ACCS: variants seen among roughly 807,000 people sequenced by gnomAD.
The protein encoded by ACCS is 1-aminocyclopropane-1-carboxylate synthase homolog (inactive).
Under a neutral mutation model 59.8 loss-of-function variants are expected in ACCS, and 42 were observed. The ratio of observed to expected loss-of-function variants is 0.70; its 90% CI spans 0.55 to 0.91. The LOEUF is 0.91. Ranked by LOEUF, ACCS falls within the 40% of genes least tolerant of loss-of-function variation. The pLI is 0.00. For synonymous variants in ACCS, 230 were observed against 240.3 expected (o/e 0.96, Z 0.40); for missense variants, 602 against 630.4 (o/e 0.95, Z 0.48).
At chr11:44,079,255 C>T (rs778094929) in intron 9 of ACCS, 8 of 447,748 alleles carry the variant, frequency 1.8e-5, no homozygotes, top group Non-Finnish European at 2.4e-5. Flanking sequence ...CTCTCCGACT[C>T]GAGCCCTTGT....
intron 6 of ACCS, among the ~76,000 whole-genome samples, chr11:44,076,539 G>A (rs764340333): frequency 2.0e-5 from 3 of 152,140 alleles, no homozygotes; most frequent in South Asian, 2.1e-4. Flanking sequence ...ATTTCCTGCC[G>A]GTTCCAGAAC....
Position 44,067,641 on chromosome 11 carries a change from C to T in ACCS, c.14C>T (p.Pro5Leu). 3 of 1,609,470 alleles carry T rather than the reference C, an allele frequency of 1.9e-6. No individual in the cohort carries two copies. The highest frequency in any genetic ancestry group is 2.5e-6 in the Non-Finnish European group (3 of 1,177,816). The change falls in exon 2 of 15, where the codon CCT becomes CTT. Residue 5 changes from proline (P) to leucine (L), a missense_variant. By Grantham distance (98) the Pro-to-Leu change is moderately conservative. Coordinates refer to ENST00000263776, the MANE Select transcript of ACCS (RefSeq NM_032592.4). ...GTCTTTTTGCAGATGTTCACCCTTC[C>T]TCAAAAGGACTTCAGGGCTCCCACC... is the stretch of plus-strand genomic sequence containing the variant. Reference protein sequence around the residue: MFTLPQKDFRAPTTC... With the variant: MFTLLQKDFRAPTTC...
chr11:44,083,032 A>G, intron 12 of ACCS, 137 bp from the exon 13 acceptor site: 1 of 1,176,616 alleles, frequency 8.5e-7, no homozygotes, highest in East Asian at 2.4e-5. Context: ...AATCCTTCCC[A>G]CCACAGCAGC....
chr11:44,079,170 G>C, intron 9 of ACCS: 1 of 362,362 alleles, frequency 2.8e-6, no homozygotes, highest in Non-Finnish European at 5.1e-6. Flanking sequence ...CAACCCTACT[G>C]ATGCTGTTAT....
chr11:44,075,788 G>C, intron 6 of ACCS, 196 bp downstream of exon 6: 1 of 592,984 alleles, frequency 1.7e-6, no homozygotes, highest in Non-Finnish European at 2.9e-6. Context: ...TTGATGTCAG[G>C]GTCCTGGGCT....
At position 44,073,473 on chromosome 11, in the gene ACCS, G is replaced by A; in HGVS notation, c.375G>A (p.Val125=). 6.2e-7 allele frequency: 1 copy of A among 1,609,190 alleles called. No homozygotes were observed. The highest frequency in any genetic ancestry group is 1.3e-5 in the African/African-American group (1 of 74,976). Residue 125 remains valine, a synonymous_variant, in exon 4 of 15, where the codon GTG becomes GTA. Coordinates refer to ENST00000263776, the MANE Select transcript of ACCS (RefSeq NM_032592.4). ...TGAGTCAGCGCGACATGCAGAGGGT[G>A]GAGCCATCCCTGCTGCAGTATGCTG... ...WRLSQRDMQR[V]EPSLLQYADW...
rs1952872358 is a variant in ACCS at position 44,068,018 on chromosome 11, G to A, written c.288+103G>A. ...CATCCAGCCTGCTCTTATGAGGTTG[G>A]AGTTATGGTACTCTGACCTCCAAGA... is the stretch of plus-strand genomic sequence containing the variant. On this transcript the variant is annotated intron_variant, in intron 2 of 14. Coordinates refer to ENST00000263776, the MANE Select transcript of ACCS (RefSeq NM_032592.4). 8 of 1,326,002 alleles carry A rather than the reference G, an allele frequency of 6.0e-6. No individual in the cohort carries two copies. The South Asian group carries it at 1.2e-4, about 20-fold the overall frequency. 82.1% of individuals were successfully genotyped at this position (1,326,002 alleles called of 1,614,324 possible). A position where few individuals can be genotyped will look rare whatever the true frequency, so the allele number is the denominator to read the frequency against.
intron 4 of ACCS, among the ~76,000 whole-genome samples, chr11:44,074,333 T>A (rs1189036982): frequency 1.3e-5 from 2 of 152,092 alleles, no homozygotes; most frequent in Non-Finnish European, 2.9e-5. Flanking sequence ...GTAGTAATAA[T>A]GTTTATTAGT....
intron 4 of ACCS, 102 bp from the exon 5 acceptor site, chr11:44,074,510 G>A (rs1953213726): frequency 5.7e-6 from 5 of 881,882 alleles, no homozygotes; most frequent in Non-Finnish European, 7.6e-6. Flanking sequence ...GGAAATTAGG[G>A]AAGAGTGATG....
chr11:44,083,759 T>C lies in ACCS; in HGVS notation c.1473T>C (p.Ser491=). ...KSQVAEDPRP[S]QSQEPSDQRR ...AAGTGGCAGAAGACCCCCGTCCCTC[T>C]CAGAGCCAGGAGCCAAGTGACCAAC... The change falls in exon 15 of 15, where the codon TCT becomes TCC. Residue 491 remains serine, a synonymous_variant. Transcript: ENST00000263776. The C allele has an allele frequency of 6.2e-7, 1 of 1,613,792 alleles. No homozygotes were observed. The highest frequency in any genetic ancestry group is 1.1e-5 in the South Asian group (1 of 90,980).
intron 6 of ACCS, among the ~76,000 whole-genome samples, chr11:44,076,828 A>G (rs181998406): frequency 2.6e-5 from 4 of 152,368 alleles, no homozygotes; most frequent in East Asian, 3.9e-4. Flanking sequence ...ACAGTTCCAC[A>G]TGGCTGGGGA....
intron 6 of ACCS, 196 bp downstream of exon 6, chr11:44,075,788 G>A (rs1462155761): frequency 1.7e-6 from 1 of 592,864 alleles, no homozygotes; most frequent in Non-Finnish European, 2.9e-6. Context: ...TTGATGTCAG[G>A]GTCCTGGGCT....
At chr11:44,071,437 C>G (rs374123553) in intron 3 of ACCS, 122 bp downstream of exon 3, 2 of 1,092,796 alleles carry the variant, frequency 1.8e-6, no homozygotes, top group South Asian at 1.4e-5. Flanking sequence ...TCAGGAGACC[C>G]GGGTTCCAGG....
At chr11:44,080,834 G>T (rs953452246) in intron 10 of ACCS, 186 bp from the exon 11 acceptor site, 1 of 647,224 alleles carries the variant, frequency 1.5e-6, no homozygotes, top group East Asian at 2.7e-5. Flanking sequence ...TTTGGCCCGC[G>T]GGCTGTCATT....
intron 3 of ACCS, 78 bp downstream of exon 3, chr11:44,071,393 C>A (rs1953044493): frequency 6.5e-7 from 1 of 1,535,934 alleles, no homozygotes. Flanking sequence ...CCAACAGGAG[C>A]CTGCTGCTTG....
rs776507293 is a variant in ACCS at position 44,073,457 on chromosome 11, G to A, written c.359G>A (p.Arg120His). Residue 120 changes from arginine (R) to histidine (H), a missense_variant, in exon 4 of 15, where the codon CGC becomes CAC. Transcript: ENST00000263776. The stretch of plus-strand genomic sequence containing the variant: ...CCTCTCTGTCCCCAGCTGAGTCAGC[G>A]CGACATGCAGAGGGTGGAGCCATCC... Reference protein sequence around the residue: ...FDLLSWRLSQRDMQRVEPSLL... With the variant: ...FDLLSWRLSQHDMQRVEPSLL... The A allele has an allele frequency of 6.8e-5, 109 of 1,607,444 alleles. No homozygotes were observed. The highest frequency in any genetic ancestry group is 3.5e-4 in the Middle Eastern group (2 of 5,640).
rs561193638 is a variant in ACCS at position 44,083,895 on chromosome 11, G to A, written c.*103G>A. ...TGTGGATGTGCCATTTGCCAGGAAG[G>A]TATCTAACTTGGCTTTGTGCCTGAA... On this transcript the variant is annotated 3_prime_UTR_variant, in exon 15 of 15. Coordinates refer to ENST00000263776, the MANE Select transcript of ACCS (RefSeq NM_032592.4). 6.6e-7 allele frequency: 1 copy of A among 1,518,440 alleles called. No homozygotes were observed. Among genetic ancestry groups the A allele is most frequent in the Non-Finnish European group, 8.8e-7 (1 of 1,132,006 alleles). The allele number at this position is 1,518,440 out of a possible 1,614,324, so 94.1% of individuals were successfully genotyped here.
At chr11:44,075,706 C>A in intron 6 of ACCS, 114 bp downstream of exon 6, 2 of 1,260,996 alleles carry the variant, frequency 1.6e-6, no homozygotes, top group Admixed American at 2.2e-5. Context: ...ATAGAATATA[C>A]TAGACTGCAG....
intron 2 of ACCS, among the ~76,000 whole-genome samples, 191 bp from the exon 3 acceptor site, chr11:44,071,065 C>A (rs1199203565): frequency 6.6e-6 from 1 of 152,144 alleles, no homozygotes; most frequent in Non-Finnish European, 1.5e-5. Context: ...TTGGACAGAG[C>A]TTTAGAAATG....
Sources: allele counts gnomAD v4.1 joint callset (sites outside exome capture counted in the v4.1 genomes callset), GRCh38; gene constraint gnomAD v4.1.1; transcripts MANE v1.5; gene names NCBI Gene and HGNC (gene_info 2026-07-23, HGNC 2026-07-21).